Variants in PMEPA1 observed in about 807,000 individuals in gnomAD.
PMEPA1 encodes prostate transmembrane protein, androgen induced 1, also known as protein TMEPAI.
In PMEPA1, 11 loss-of-function variants were observed where a neutral mutation model predicts 23.0. The observed-to-expected ratio is 0.48, with a 90% CI of 0.30 to 0.79. The LOEUF (loss-of-function observed/expected upper bound fraction) is 0.79, where lower values mean the gene tolerates loss of function less well. Ranked by LOEUF, PMEPA1 falls within the 30% of genes least tolerant of loss-of-function variation. PMEPA1 has a pLI of 0.06. For missense variants in PMEPA1, 377 were observed against 390.9 expected, an observed-to-expected ratio of 0.96 and a Z score of 0.30; for synonymous variants, 204 against 166.4, an observed-to-expected ratio of 1.23 and a Z score of -1.74.
chr20:57,703,818 C>T (rs548701393), intron 1 of PMEPA1, among the ~76,000 whole-genome samples: 3 of 152,300 alleles, frequency 2.0e-5, no homozygotes, highest in Admixed American at 6.5e-5. Flanking sequence ...GAGTCCAATC[C>T]GCCCCACCAT....
Position 57,651,965 on chromosome 20 carries a change from C to T in PMEPA1, c.*88G>A. 1 of 1,168,516 alleles carries T rather than the reference C, an allele frequency of 8.6e-7. No homozygotes were observed. The highest frequency in any genetic ancestry group is 1.2e-6 in the Non-Finnish European group (1 of 857,826). 72.4% of individuals were successfully genotyped at this position (1,168,516 alleles called of 1,614,324 possible). A position where few individuals can be genotyped will look rare whatever the true frequency, so the allele number is the denominator to read the frequency against. ...GGGCCACACGATGCGTTGCTGCGCCCCCCGCCTTCCTCTCACTCCTCTTCT... is the reference window on the plus strand; with the variant it reads ...GGGCCACACGATGCGTTGCTGCGCCTCCCGCCTTCCTCTCACTCCTCTTCT... On this transcript the variant is annotated 3_prime_UTR_variant, in exon 4 of 4. Coordinates refer to ENST00000341744, the MANE Select transcript of PMEPA1 (RefSeq NM_020182.5).
chr20:57,675,318 C>T (rs556334649), intron 1 of PMEPA1, among the ~76,000 whole-genome samples: 3 of 152,346 alleles, frequency 2.0e-5, no homozygotes, highest in African/African-American at 7.2e-5. Context: ...GAAAAGCAGC[C>T]TCCAGCAGCC....
intron 1 of PMEPA1, among the ~76,000 whole-genome samples, chr20:57,661,181 G>A (rs1188993652): frequency 1.3e-5 from 2 of 152,108 alleles, no homozygotes; most frequent in African/African-American, 2.4e-5. Flanking sequence ...CCTAGAAGGC[G>A]GAAAAACCCT....
At chr20:57,667,860 C>T (rs759115452) in intron 1 of PMEPA1, among the ~76,000 whole-genome samples, 1 of 152,126 alleles carries the variant, frequency 6.6e-6, no homozygotes, top group African/African-American at 2.4e-5. Context: ...TGCCACCCCA[C>T]CCCAGCCCCC....
intron 2 of PMEPA1, among the ~76,000 whole-genome samples, chr20:57,654,503 T>C (rs1047421199): frequency 6.6e-6 from 1 of 152,142 alleles, no homozygotes; most frequent in Non-Finnish European, 1.5e-5. Context: ...GGACCGCTCC[T>C]ACCCCTTAAG....
rs1356990911 is a variant in PMEPA1 at position 57,655,927 on chromosome 20, C to T, written c.265-2841G>A. Reference sequence around the variant, plus strand: ...AGCGCAGCTATGGGCAAAACGCACTCGAAAACACTTCATTCACACTCAGAA... The same window carrying T: ...AGCGCAGCTATGGGCAAAACGCACTTGAAAACACTTCATTCACACTCAGAA... On this transcript the variant is annotated intron_variant, in intron 2 of 3. Coordinates refer to ENST00000341744, the MANE Select transcript of PMEPA1 (RefSeq NM_020182.5). This position sits in a 1 kb window ranked among gnomAD's most constrained non-coding sequence, Gnocchi z 4.2. Among the ~76,000 whole-genome samples, 1 of 152,066 alleles carries T rather than the reference C, an allele frequency of 6.6e-6. No individual in the cohort carries two copies. The highest frequency in any genetic ancestry group is 1.5e-5 in the Non-Finnish European group (1 of 68,012).
At chr20:57,694,492 A>C (rs987783558) in intron 1 of PMEPA1, among the ~76,000 whole-genome samples, 1 of 152,196 alleles carries the variant, frequency 6.6e-6, no homozygotes, top group Non-Finnish European at 1.5e-5. Context: ...TGCCATCTCC[A>C]GTTTTCTCAT....
chr20:57,678,546 G>A (rs2071669753), intron 1 of PMEPA1, among the ~76,000 whole-genome samples: 1 of 152,138 alleles, frequency 6.6e-6, no homozygotes. Context: ...AACAGAAGCC[G>A]CTTCCCTCTC....
At position 57,709,021 on chromosome 20, in the gene PMEPA1, C is replaced by A. The variant is rs574691678; in HGVS notation, c.109+453G>T. Among the ~76,000 whole-genome samples, 126 of 152,180 alleles carry A rather than the reference C, an allele frequency of 8.3e-4. 1 individual carries two copies. The highest frequency in any genetic ancestry group is 2.7e-3 in the African/African-American group (112 of 41,504). On this transcript the variant is annotated intron_variant, in intron 1 of 3. Coordinates refer to ENST00000341744, the MANE Select transcript of PMEPA1 (RefSeq NM_020182.5). The stretch of plus-strand genomic sequence containing the variant: ...ACTCAGAGCCCGAGACACAGCGCCG[C>A]GAACACTCCAGACACACGCCCGGAG...
chr20:57,654,343 C>T (rs1281026629), intron 2 of PMEPA1, among the ~76,000 whole-genome samples: 1 of 152,112 alleles, frequency 6.6e-6, no homozygotes, highest in African/African-American at 2.4e-5. Context: ...TGAGTATGTC[C>T]ATCACCTCAA....
At chr20:57,701,839 T>C (rs2072015637) in intron 1 of PMEPA1, among the ~76,000 whole-genome samples, 1 of 152,050 alleles carries the variant, frequency 6.6e-6, no homozygotes, top group South Asian at 2.1e-4. Flanking sequence ...CCTCCCTTCA[T>C]CCAACGCACA....
chr20:57,674,038 C>T (rs2071603811), intron 1 of PMEPA1, among the ~76,000 whole-genome samples: 1 of 152,160 alleles, frequency 6.6e-6, no homozygotes, highest in African/African-American at 2.4e-5. Flanking sequence ...TGGCCATTCC[C>T]ACCTCCCTTC....
chr20:57,660,016 T>G (rs1046408631), intron 1 of PMEPA1, among the ~76,000 whole-genome samples: 4 of 152,186 alleles, frequency 2.6e-5, no homozygotes, highest in African/African-American at 9.7e-5. Context: ...GGCCCTGCTC[T>G]CTGCTCTCAG....
intron 1 of PMEPA1, among the ~76,000 whole-genome samples, chr20:57,698,847 T>C (rs2071975528): frequency 6.6e-6 from 1 of 152,194 alleles, no homozygotes; most frequent in Admixed American, 6.5e-5. Context: ...GGCAAGTCTC[T>C]GTATTAACTT....
Position 57,657,353 on chromosome 20 carries a change from G to A in PMEPA1, c.264+2190C>T, listed in dbSNP as rs140365887. ...CTCTCCCCAGCACTTGAGGGAGGAC[G>A]GAATAGGCTGTGGGCTCTTCACACC... On this transcript the variant is annotated intron_variant, in intron 2 of 3. Coordinates refer to ENST00000341744, the MANE Select transcript of PMEPA1 (RefSeq NM_020182.5). 3.6e-3 allele frequency among the ~76,000 whole-genome samples: 553 copies of A among 152,298 alleles called. 5 individuals carry two copies. The highest frequency in any genetic ancestry group is 0.012 in the African/African-American group (513 of 41,564).
At chr20:57,685,737 G>T (rs1018787045) in intron 1 of PMEPA1, among the ~76,000 whole-genome samples, 1 of 152,086 alleles carries the variant, frequency 6.6e-6, no homozygotes, top group Non-Finnish European at 1.5e-5. Flanking sequence ...CTGGGAAGGC[G>T]CCTGCTAAGA....
chr20:57,654,955 C>A (rs1413017387), intron 2 of PMEPA1, among the ~76,000 whole-genome samples: 1 of 151,878 alleles, frequency 6.6e-6, no homozygotes, highest in Non-Finnish European at 1.5e-5. Context: ...CCACCCCACA[C>A]CCTGCCACTC....
At chr20:57,693,516 C>G (rs1301105385) in intron 1 of PMEPA1, among the ~76,000 whole-genome samples, 1 of 152,172 alleles carries the variant, frequency 6.6e-6, no homozygotes, top group Non-Finnish European at 1.5e-5. Flanking sequence ...CAGACGGTGG[C>G]GGCCAGCAGG....
intron 1 of PMEPA1, among the ~76,000 whole-genome samples, chr20:57,670,924 C>T (rs769105640): frequency 6.6e-6 from 1 of 151,982 alleles, no homozygotes; most frequent in East Asian, 1.9e-4. Context: ...CAACCCCCAA[C>T]CAGTGTCCCG....
Sources: gnomAD v4.1 joint callset for allele counts (sites outside exome capture counted in the v4.1 genomes callset) on GRCh38, gnomAD v4.1.1 for gene constraint, Gnocchi (gnomAD v3.1) non-coding constraint, MANE v1.5 for transcripts, NCBI Gene and HGNC (gene_info 2026-07-23, HGNC 2026-07-21) for gene names.